Variants in ADARB2 observed in about 807,000 individuals in gnomAD.
ADARB2 encodes adenosine deaminase RNA specific B2 (inactive), also known as inactive double-stranded RNA-specific editase B2.
ADARB2 carries 25 observed loss-of-function variants against 62.2 expected under a neutral mutation model. That is an observed-to-expected ratio of 0.40 (90% CI 0.29 to 0.56). The LOEUF (loss-of-function observed/expected upper bound fraction) is 0.56. Ranked by LOEUF, ADARB2 falls within the 20% of genes least tolerant of loss-of-function variation. The pLI is 0.43. For missense variants in ADARB2, 1,071 were observed against 1,077.4 expected, an observed-to-expected ratio of 0.99 and a Z score of 0.08; for synonymous variants, 572 against 500.8, an observed-to-expected ratio of 1.14 and a Z score of -1.90.
At chr10:1,468,145 ATTAC>A (rs1452805442) in intron 1 of ADARB2, among the ~76,000 whole-genome samples, 2 of 152,218 alleles carry the variant, frequency 1.3e-5, no homozygotes, top group African/African-American at 2.4e-5. Flanking sequence ...AAATAATATT[ATTAC>A]TTAAACATAT....
chr10:1,233,009 T>G (rs1481542195), intron 6 of ADARB2, among the ~76,000 whole-genome samples: 1 of 152,044 alleles, frequency 6.6e-6, no homozygotes, highest in East Asian at 1.9e-4. Flanking sequence ...ATCATTAAAA[T>G]GAAAGAGAGG....
chr10:1,275,074 G>A (rs1044291896), intron 3 of ADARB2, among the ~76,000 whole-genome samples: 1 of 152,216 alleles, frequency 6.6e-6, no homozygotes, highest in East Asian at 1.9e-4. Context: ...ACCAAGCAGC[G>A]TGAGCCCTGG....
At chr10:1,445,353 C>T (rs1414546279) in intron 1 of ADARB2, among the ~76,000 whole-genome samples, 1 of 151,784 alleles carries the variant, frequency 6.6e-6, no homozygotes, top group African/African-American at 2.4e-5. Flanking sequence ...CATCCCTCTA[C>T]ATCAATTTAT....
chr10:1,512,981 C>T (rs1831957216), intron 1 of ADARB2, among the ~76,000 whole-genome samples: 1 of 152,146 alleles, frequency 6.6e-6, no homozygotes, highest in African/African-American at 2.4e-5. Flanking sequence ...GGGAGAGTGA[C>T]GATGTCTGGA....
chr10:1,666,879 C>A (rs1168451684), intron 1 of ADARB2, among the ~76,000 whole-genome samples: 1 of 152,126 alleles, frequency 6.6e-6, no homozygotes, highest in African/African-American at 2.4e-5. Context: ...CAAAGTTGAC[C>A]AAGGGTTTTG....
chr10:1,604,344 C>T (rs1479065683), intron 1 of ADARB2, among the ~76,000 whole-genome samples: 1 of 152,162 alleles, frequency 6.6e-6, no homozygotes, highest in Non-Finnish European at 1.5e-5. Context: ...TTGATGTCGA[C>T]CCGACGTTGA....
chr10:1,246,108 A>T (rs1830984172), intron 4 of ADARB2, among the ~76,000 whole-genome samples: 1 of 151,648 alleles, frequency 6.6e-6, no homozygotes. Flanking sequence ...GCATTTTTTC[A>T]TGTGTCTTTT....
intron 1 of ADARB2, among the ~76,000 whole-genome samples, chr10:1,580,037 G>A (rs1833075554): frequency 6.6e-6 from 1 of 152,224 alleles, no homozygotes; most frequent in African/African-American, 2.4e-5. Flanking sequence ...CTTGGACGAG[G>A]CAGACGAGCG....
intron 1 of ADARB2, among the ~76,000 whole-genome samples, chr10:1,445,864 T>G (rs560318319): frequency 6.6e-6 from 1 of 152,214 alleles, no homozygotes; most frequent in African/African-American, 2.4e-5. Flanking sequence ...TTGGATAAGA[T>G]AGTTATGCAA....
chr10:1,735,730 C>T (rs1170584777), intron 1 of ADARB2, among the ~76,000 whole-genome samples: 1 of 152,236 alleles, frequency 6.6e-6, no homozygotes, highest in Non-Finnish European at 1.5e-5. Context: ...CATCACCTCC[C>T]TTCTGAAACC....
intron 1 of ADARB2, among the ~76,000 whole-genome samples, chr10:1,640,613 T>C (rs1833968931): frequency 6.6e-6 from 1 of 152,040 alleles, no homozygotes; most frequent in African/African-American, 2.4e-5. Flanking sequence ...ACTACGTAGG[T>C]GAATCCTGTT....
In ADARB2 at chr10:1,233,818, C is replaced by A. The variant is rs35356097; in HGVS notation, c.1389G>T (p.Ser463=). The A allele has an allele frequency of 1.2e-6, 2 of 1,613,988 alleles. No homozygotes were observed. The highest frequency in any genetic ancestry group is 2.2e-5 in the South Asian group (2 of 91,048). Residue 463 remains serine (S), a synonymous_variant, in exon 6 of 10, where the codon TCG becomes TCT. Transcript: ENST00000381312. ...CACCTTCTTTTAACCGCACGAATAT[C>A]GATCGCTCTGAGTCCTCGCGCCGCT... ...LSKRREDSER[S]IFVRLKEGGY... is the part of the protein sequence containing the mutation.
intron 1 of ADARB2, among the ~76,000 whole-genome samples, chr10:1,692,874 T>C (rs1834690659): frequency 1.3e-5 from 2 of 152,204 alleles, no homozygotes; most frequent in Admixed American, 6.5e-5. Context: ...CTATTTTAGT[T>C]AGCATGTTTG....
intron 2 of ADARB2, among the ~76,000 whole-genome samples, chr10:1,376,774 A>G (rs1832433084): frequency 6.6e-6 from 1 of 150,674 alleles, no homozygotes; most frequent in African/African-American, 2.4e-5. Context: ...CCGGGATCCC[A>G]GCAGCTCCAG....
intron 1 of ADARB2, among the ~76,000 whole-genome samples, chr10:1,504,474 T>C (rs2813432): frequency 0.16 from 25,050 of 152,238 alleles, 2,351 homozygotes; most frequent in Middle Eastern, 0.23. Flanking sequence ...GCGGGCATTA[T>C]GTAGCCAGCC....
chr10:1,581,826 A>ATGTGTGTG (rs56180704), intron 1 of ADARB2, among the ~76,000 whole-genome samples: 78 of 148,498 alleles, frequency 5.3e-4, no homozygotes, highest in Middle Eastern at 6.9e-3. Flanking sequence ...TTAGAAATAG[A>ATGTGTGTG]TGTGTGTGTG....
intron 6 of ADARB2, among the ~76,000 whole-genome samples, chr10:1,228,843 A>C (rs915805283): frequency 1.3e-5 from 2 of 152,242 alleles, no homozygotes; most frequent in African/African-American, 4.8e-5. Context: ...CAGGCCGTCC[A>C]TGCCTCCAAG....
intron 4 of ADARB2, among the ~76,000 whole-genome samples, chr10:1,251,866 C>T (rs1831040432): frequency 6.6e-6 from 1 of 152,166 alleles, no homozygotes; most frequent in African/African-American, 2.4e-5. Context: ...TTCCTCCCCT[C>T]CAAACGATGT....
chr10:1,274,456 C>G (rs1250165941), intron 3 of ADARB2, among the ~76,000 whole-genome samples: 6 of 152,066 alleles, frequency 3.9e-5, no homozygotes, highest in Non-Finnish European at 8.8e-5. Context: ...ACGTGTGTAG[C>G]TCTTTGTTTT....
Sources: gnomAD v4.1 joint callset for allele counts (sites outside exome capture counted in the v4.1 genomes callset) on GRCh38, gnomAD v4.1.1 for gene constraint, MANE v1.5 for transcripts, NCBI Gene and HGNC (gene_info 2026-07-23, HGNC 2026-07-21) for gene names.